DCP1A: variants seen among roughly 807,000 people sequenced by gnomAD.
DCP1A encodes mRNA-decapping enzyme 1A.
A neutral mutation model predicts 58.0 loss-of-function variants in DCP1A; 20 were observed. The observed-to-expected ratio is 0.34, with a 90% CI of 0.24 to 0.50. The LOEUF is 0.50. Among genes scored for constraint, DCP1A ranks in the 20% least tolerant of loss-of-function variants. The pLI is 0.98. For missense variants in DCP1A, 613 were observed against 712.2 expected (o/e 0.86, Z 1.59); for synonymous variants, 285 against 275.1 (o/e 1.04, Z -0.36).
chr3:53,322,329 G>A (rs943875017), intron 3 of DCP1A, among the ~76,000 whole-genome samples: 1 of 151,940 alleles, frequency 6.6e-6, no homozygotes, highest in Non-Finnish European at 1.5e-5. Context: ...GTGGATGCCT[G>A]TAATTCCAGC....
intron 3 of DCP1A, among the ~76,000 whole-genome samples, chr3:53,323,651 T>C (rs1312902398): frequency 6.6e-6 from 1 of 151,972 alleles, no homozygotes; most frequent in Non-Finnish European, 1.5e-5. Flanking sequence ...GTGGATCACC[T>C]GAGGTGAGGA....
At chr3:53,322,913 G>A (rs1309122194) in intron 3 of DCP1A, among the ~76,000 whole-genome samples, 9 of 151,414 alleles carry the variant, frequency 5.9e-5, no homozygotes, top group African/African-American at 1.9e-4. Context: ...CCGTGTTCAC[G>A]CCATTCTCCT....
rs1175498939 is a variant in DCP1A at position 53,285,016 on chromosome 3, C to T, written c.*2564G>A. 1 of 152,202 alleles carries T rather than the reference C, an allele frequency of 6.6e-6. No homozygotes were observed. Among genetic ancestry groups the T allele is most frequent in the Non-Finnish European group, 1.5e-5 (1 of 68,068 alleles). 9.4% of individuals were successfully genotyped at this position (152,202 alleles called of 1,614,324 possible). A position where few individuals can be genotyped will look rare whatever the true frequency, so the allele number is the denominator to read the frequency against. On this transcript the variant is annotated 3_prime_UTR_variant, in exon 10 of 10. Transcript: ENST00000610213. ...AGTCCATTAAAAGACACCGCATTAA[C>T]TACAACAAAAAGAAGAGCAGCACCA...
intron 3 of DCP1A, among the ~76,000 whole-genome samples, chr3:53,338,583 T>C (rs2089154652): frequency 6.6e-6 from 1 of 152,076 alleles, no homozygotes; most frequent in Admixed American, 6.6e-5. Flanking sequence ...AACTCTTGGC[T>C]GGGCGCGGTG....
At chr3:53,322,248 T>C (rs1707989074) in intron 3 of DCP1A, among the ~76,000 whole-genome samples, 3 of 151,918 alleles carry the variant, frequency 2.0e-5, no homozygotes, top group Non-Finnish European at 4.4e-5. Flanking sequence ...AGGTCAGGAG[T>C]TCGAGACCAC....
intron 6 of DCP1A, among the ~76,000 whole-genome samples, chr3:53,296,538 T>C (rs1011381069): frequency 2.1e-4 from 32 of 152,334 alleles, no homozygotes; most frequent in African/African-American, 7.2e-4. Flanking sequence ...GCATCATAAA[T>C]GTCTACTGAC....
At chr3:53,331,047 T>C (rs538758475) in intron 3 of DCP1A, among the ~76,000 whole-genome samples, 10 of 152,132 alleles carry the variant, frequency 6.6e-5, no homozygotes, top group African/African-American at 2.2e-4. Flanking sequence ...TTAGTAGCAA[T>C]GGGGTTTTAC....
chr3:53,343,326 T>C (rs2089242572), intron 2 of DCP1A, among the ~76,000 whole-genome samples: 1 of 152,212 alleles, frequency 6.6e-6, no homozygotes, highest in Non-Finnish European at 1.5e-5. Flanking sequence ...TATACCTTTA[T>C]CCAAGGTACG....
At chr3:53,339,181 A>G (rs925055602) in intron 3 of DCP1A, among the ~76,000 whole-genome samples, 1 of 152,168 alleles carries the variant, frequency 6.6e-6, no homozygotes, top group Admixed American at 6.5e-5. Flanking sequence ...CACTTTTAAG[A>G]CTATGTAGAC....
rs1043499328 is a variant in DCP1A, at chr3:53,285,334, T to C, written c.*2246A>G. On this transcript the variant is annotated 3_prime_UTR_variant, in exon 10 of 10. Coordinates refer to ENST00000610213, the MANE Select transcript of DCP1A (RefSeq NM_018403.7). ...GGAATAAGGCAACTGAACTGTGACT[T>C]TCGGGCCAGGGTCATCCAGCTGCAA... 6.6e-6 allele frequency: 1 copy of C among 152,224 alleles called. No homozygotes were observed. Among genetic ancestry groups the C allele is most frequent in the Admixed American group, 6.5e-5 (1 of 15,280 alleles). 9.4% of individuals were successfully genotyped at this position (152,224 alleles called of 1,614,324 possible). A position where few individuals can be genotyped will look rare whatever the true frequency, so the allele number is the denominator to read the frequency against.
At chr3:53,339,107 T>A (rs1289469592) in intron 3 of DCP1A, among the ~76,000 whole-genome samples, 2 of 152,128 alleles carry the variant, frequency 1.3e-5, no homozygotes, top group Non-Finnish European at 2.9e-5. Context: ...AGATACTAAC[T>A]TTTTATTTAA....
At chr3:53,321,680 C>A (rs1279330029) in intron 3 of DCP1A, among the ~76,000 whole-genome samples, 1 of 152,220 alleles carries the variant, frequency 6.6e-6, no homozygotes, top group Non-Finnish European at 1.5e-5. Context: ...GATTGCACCA[C>A]TGCACTGCAG....
chr3:53,347,079 G>A (rs2089300502), intron 1 of DCP1A, among the ~76,000 whole-genome samples: 1 of 152,146 alleles, frequency 6.6e-6, no homozygotes, highest in Non-Finnish European at 1.5e-5. Context: ...AACTCCCAAT[G>A]TATCTGCAAA....
intron 6 of DCP1A, among the ~76,000 whole-genome samples, chr3:53,300,040 G>T (rs1467338611): frequency 1.3e-5 from 2 of 152,034 alleles, no homozygotes; most frequent in African/African-American, 4.8e-5. Flanking sequence ...GCTACTTTTT[G>T]TATTTTTAGT....
At chr3:53,309,130 G>C (rs1707568813) in intron 5 of DCP1A, among the ~76,000 whole-genome samples, 1 of 152,156 alleles carries the variant, frequency 6.6e-6, no homozygotes, top group Non-Finnish European at 1.5e-5. Context: ...CCAGGACTTT[G>C]GGAGGCTGAG....
At chr3:53,319,998 C>T (rs1707915623) in intron 3 of DCP1A, among the ~76,000 whole-genome samples, 1 of 151,872 alleles carries the variant, frequency 6.6e-6, no homozygotes, top group African/African-American at 2.4e-5. Flanking sequence ...GCTGTGGTGG[C>T]GTGCCTGTAA....
At position 53,292,602 on chromosome 3, in the gene DCP1A, C is replaced by T. The variant is rs1049509358; in HGVS notation, c.850G>A (p.Val284Ile). 2 of 1,613,684 alleles carry T rather than the reference C, an allele frequency of 1.2e-6. No homozygotes were observed. Among genetic ancestry groups the T allele is most frequent in the African/African-American group, 1.3e-5 (1 of 74,888 alleles). The change falls in exon 7 of 10, where the codon GTC becomes ATC. Residue 284 changes from valine to isoleucine, a missense_variant. Val to Ile is a conservative substitution (Grantham distance 29). Around this residue, in one of 3 missense-constraint regions of DCP1A, gnomAD observed 498 missense variants for 556.7 expected, o/e 0.89. Transcript: ENST00000610213. ...ACCGGGGTGGTGATTTCAGGCTGGA[C>T]TGAATGGTGGGCAGCAGAAGGGACA... Reference protein sequence around the residue: ...LGVPSAAHHSVQPEITTPVLI... With the variant: ...LGVPSAAHHSIQPEITTPVLI...
At chr3:53,300,031 C>T (rs1707261395) in intron 6 of DCP1A, among the ~76,000 whole-genome samples, 1 of 152,116 alleles carries the variant, frequency 6.6e-6, no homozygotes, top group Non-Finnish European at 1.5e-5. Flanking sequence ...TCACGCCCGG[C>T]TACTTTTTGT....
At chr3:53,334,607 G>GT (rs1462649315) in intron 3 of DCP1A, among the ~76,000 whole-genome samples, 1 of 152,014 alleles carries the variant, frequency 6.6e-6, no homozygotes, top group South Asian at 2.1e-4. Context: ...GTTTGTTACT[G>GT]TTTTTTACAA....
Sources: gnomAD v4.1 joint callset for allele counts (sites outside exome capture counted in the v4.1 genomes callset) on GRCh38, gnomAD v4.1.1 for gene constraint, gnomAD v4.1.1 regional missense constraint, MANE v1.5 for transcripts, NCBI Gene and HGNC (gene_info 2026-07-23, HGNC 2026-07-21) for gene names.